LYRM4: variants seen among roughly 807,000 people sequenced by gnomAD.
LYRM4 encodes the protein LYR motif-containing protein 4.
In LYRM4, 9 loss-of-function variants were observed where a neutral mutation model predicts 11.7. The observed-to-expected ratio is 0.77, with a 90% CI of 0.46 to 1.34. LYRM4 has a LOEUF of 1.34. LYRM4 is among the 40% of genes most tolerant of loss of function. The pLI is 0.00. For synonymous variants in LYRM4, 42 were observed against 40.4 expected (o/e 1.04, Z -0.15); for missense variants, 133 against 112.5 (o/e 1.18, Z -0.82).
chr6:5,069,618 C>G, the LYRM4 span, among the ~76,000 whole-genome samples: 17 of 152,102 alleles, frequency 1.1e-4, no homozygotes, highest in East Asian at 9.6e-4. Context: ...GTAGCTGGGA[C>G]TATAGGCATG....
chr6:5,258,982 CAA>C (rs1561908970), intron 1 of LYRM4, among the ~76,000 whole-genome samples: 2 of 152,142 alleles, frequency 1.3e-5, no homozygotes, highest in African/African-American at 4.8e-5. Context: ...AAATCATTTC[CAA>C]AGAGAATTTC....
intron 2 of LYRM4, among the ~76,000 whole-genome samples, chr6:5,209,322 C>T: frequency 6.6e-6 from 1 of 152,162 alleles, no homozygotes; most frequent in Admixed American, 6.5e-5. Flanking sequence ...ATCTGGAACT[C>T]CTGACCTCAA....
At chr6:5,082,917 G>A in the LYRM4 span, among the ~76,000 whole-genome samples, 1 of 69,150 alleles carries the variant, frequency 1.4e-5, no homozygotes, top group Non-Finnish European at 4.5e-5. Flanking sequence ...TGCAGTCCGA[G>A]CTGTTCCTTC....
At position 5,108,710 on chromosome 6, in the gene LYRM4, G is replaced by T; in HGVS notation, c.*713C>A. On this transcript the variant is annotated 3_prime_UTR_variant, in exon 3 of 3. Transcript: ENST00000330636. ...GGGAGTCGCCCTGGGCTTGGGTCAGGCTGGGGCTCTCTCATTCACCAGGTG... is the reference window on the plus strand; with the variant it reads ...GGGAGTCGCCCTGGGCTTGGGTCAGTCTGGGGCTCTCTCATTCACCAGGTG... The T allele has an allele frequency of 1.1e-6, 1 of 904,086 alleles. No individual in the cohort carries two copies. The highest frequency in any genetic ancestry group is 1.3e-6 in the Non-Finnish European group (1 of 755,258). The allele number at this position is 904,086 out of a possible 1,614,324, so 56.0% of individuals were successfully genotyped here.
the LYRM4 span, chr6:5,066,974 G>T: frequency 1.9e-5 from 18 of 962,630 alleles, no homozygotes; most frequent in South Asian, 3.1e-5. Context: ...CGGCCACTGG[G>T]ATCCACATGT....
chr6:5,176,059 C>T (rs985447438), intron 2 of LYRM4, among the ~76,000 whole-genome samples: 3 of 136,250 alleles, frequency 2.2e-5, no homozygotes, highest in East Asian at 2.3e-4. Flanking sequence ...GGTTGTATTA[C>T]GCTATTAATT....
intron 2 of LYRM4, among the ~76,000 whole-genome samples, chr6:5,118,634 A>C (rs1275906098): frequency 2.6e-5 from 4 of 152,172 alleles, no homozygotes; most frequent in Non-Finnish European, 5.9e-5. Flanking sequence ...CAGCCTTGCC[A>C]CTGTCAAGTC....
the LYRM4 span, among the ~76,000 whole-genome samples, chr6:5,057,618 G>A: frequency 6.6e-6 from 1 of 151,934 alleles, no homozygotes; most frequent in East Asian, 2.0e-4. Context: ...GGGAGGCTGA[G>A]GCAGGGGAAT....
chr6:5,170,092 A>G (rs1759333255), intron 2 of LYRM4, among the ~76,000 whole-genome samples: 2 of 152,190 alleles, frequency 1.3e-5, no homozygotes, highest in South Asian at 4.1e-4. Flanking sequence ...TACAGTGTAC[A>G]GTGTTGGTTG....
the LYRM4 span, among the ~76,000 whole-genome samples, chr6:5,045,302 G>T: frequency 6.6e-6 from 1 of 152,258 alleles, no homozygotes; most frequent in South Asian, 2.1e-4. Context: ...AGGAAGTCCC[G>T]CCACGTGCTA....
intron 1 of LYRM4, 98 bp downstream of exon 1, chr6:5,260,550 G>A (rs1039499419): frequency 4.8e-6 from 7 of 1,473,512 alleles, no homozygotes; most frequent in Non-Finnish European, 6.4e-6. Flanking sequence ...GGCAAACCAC[G>A]GTGGCTCCCA....
the LYRM4 span, among the ~76,000 whole-genome samples, chr6:5,061,004 C>G: frequency 6.6e-6 from 1 of 152,146 alleles, no homozygotes; most frequent in Non-Finnish European, 1.5e-5. Flanking sequence ...TAGGGGACAG[C>G]CAGTCAGGTG....
chr6:5,231,667 A>T (rs1430034828), intron 1 of LYRM4, among the ~76,000 whole-genome samples: 5 of 152,194 alleles, frequency 3.3e-5, no homozygotes, highest in Non-Finnish European at 5.9e-5. Context: ...AATTCCATAA[A>T]TTTGAAAATA....
intron 2 of LYRM4, among the ~76,000 whole-genome samples, chr6:5,135,979 A>AC (rs1334177304): frequency 1.3e-5 from 2 of 152,022 alleles, no homozygotes; most frequent in African/African-American, 4.8e-5. Context: ...GACTCTAGGG[A>AC]CCGCCGTAAG....
At chr6:5,243,022 C>G (rs917030370) in intron 1 of LYRM4, among the ~76,000 whole-genome samples, 7 of 152,014 alleles carry the variant, frequency 4.6e-5, no homozygotes, top group Middle Eastern at 3.2e-3. Context: ...ATCCACCCGC[C>G]TCGGCCTCCC....
intron 1 of LYRM4, among the ~76,000 whole-genome samples, chr6:5,244,416 T>C (rs1015926441): frequency 6.6e-6 from 1 of 152,176 alleles, no homozygotes; most frequent in East Asian, 1.9e-4. Flanking sequence ...GCTACTGATA[T>C]GACATCTCTG....
At chr6:5,187,072 A>C in intron 2 of LYRM4, 1 of 957,940 alleles carries the variant, frequency 1.0e-6, no homozygotes, top group South Asian at 4.8e-5. Flanking sequence ...AACAAATCTA[A>C]GAAACAATAG....
At chr6:5,065,034 C>G in the LYRM4 span, among the ~76,000 whole-genome samples, 1 of 152,164 alleles carries the variant, frequency 6.6e-6, no homozygotes, top group African/African-American at 2.4e-5. Flanking sequence ...CTACTCATCC[C>G]TCTCTACCCT....
the LYRM4 span, among the ~76,000 whole-genome samples, chr6:5,040,316 A>AATAGATAGATAGATAG: frequency 0.04 from 4,994 of 124,894 alleles, 115 homozygotes; most frequent in Middle Eastern, 0.052. Flanking sequence ...TATCTCTAAC[A>AATAGATAGATAGATAG]ATAGATAGAT....
Sources: gnomAD v4.1 joint callset for allele counts (sites outside exome capture counted in the v4.1 genomes callset) on GRCh38, gnomAD v4.1.1 for gene constraint, MANE v1.5 for transcripts, NCBI Gene and HGNC (gene_info 2026-07-23, HGNC 2026-07-21) for gene names.